Variants in CSMD2 observed in about 807,000 individuals in gnomAD.
CSMD2 encodes the protein CUB and Sushi multiple domains 2.
In CSMD2, 130 loss-of-function variants were observed where a neutral mutation model predicts 398.5. The observed-to-expected ratio is 0.33, with a 90% confidence interval of 0.28 to 0.38. CSMD2 has a LOEUF of 0.38. Among genes scored for constraint, CSMD2 ranks in the 10% least tolerant of loss-of-function variants. The probability of loss-of-function intolerance (pLI) is 1.00; values close to 1 mark genes in which losing one functional copy is unlikely to be tolerated. For missense variants in CSMD2, 3,829 were observed against 4,764.9 expected, an observed-to-expected ratio of 0.80 and a Z score of 5.78; for synonymous variants, 1,828 against 1,908.5, an observed-to-expected ratio of 0.96 and a Z score of 1.10.
intron 3 of CSMD2, among the ~76,000 whole-genome samples, chr1:34,029,454 G>T (rs1650137391): frequency 6.6e-6 from 1 of 152,184 alleles, no homozygotes; most frequent in African/African-American, 2.4e-5. Context: ...CATATATCAG[G>T]TAGGTATGCT....
In CSMD2 at chr1:33,652,406, G is replaced by A; in HGVS notation, c.4503C>T (p.Tyr1501=). The change falls in exon 28 of 71, where the codon TAC becomes TAT. Residue 1501 remains tyrosine, a synonymous_variant. Transcript: ENST00000373381. The part of the protein sequence containing the change: ...GPSGVILSPN[Y]PEPYPPGKEC... ...CCTTGCCTGGCGGGTAGGGTTCTGG[G>A]TAATTTGGTGAGAGGATGACTCCAG... is the stretch of plus-strand genomic sequence containing the variant. The A allele has an allele frequency of 6.2e-7, 1 of 1,614,150 alleles. No homozygotes were observed. The highest frequency in any genetic ancestry group is 1.1e-5 in the South Asian group (1 of 91,080).
chr1:33,675,455 A>T (rs888598973), intron 25 of CSMD2, among the ~76,000 whole-genome samples: 1 of 152,222 alleles, frequency 6.6e-6, no homozygotes, highest in African/African-American at 2.4e-5. Context: ...TCTGAAATTG[A>T]GGCAATAATT....
At chr1:33,913,402 T>C (rs1643563528) in intron 5 of CSMD2, among the ~76,000 whole-genome samples, 1 of 152,180 alleles carries the variant, frequency 6.6e-6, no homozygotes, top group African/African-American at 2.4e-5. Flanking sequence ...AAAGCTCATA[T>C]GTTGGCTTCA....
intron 44 of CSMD2, among the ~76,000 whole-genome samples, chr1:33,588,980 G>A (rs112257375): frequency 0.014 from 2,076 of 152,322 alleles, 56 homozygotes; most frequent in African/African-American, 0.048. Context: ...TTGGAATGCA[G>A]CTTGAGACTT....
rs2306239 is a variant in CSMD2 at position 34,144,200 on chromosome 1, C to T, written c.187+20711G>A. ...TCCTCTTGATGGGGTGGGACAGGTC[C>T]TGCCTGTCCCAGTTACCTCCAGCTG... On this transcript the variant is annotated intron_variant, in intron 1 of 70. Coordinates refer to ENST00000373381, the MANE Select transcript of CSMD2 (RefSeq NM_001281956.2). 3.4e-3 allele frequency among the ~76,000 whole-genome samples: 515 copies of T among 152,224 alleles called. 1 individual carries two copies. The highest frequency in any genetic ancestry group is 0.025 in the East Asian group (127 of 5,160).
chr1:33,988,973 C>T (rs1304776309), intron 3 of CSMD2, among the ~76,000 whole-genome samples: 2 of 112,380 alleles, frequency 1.8e-5, no homozygotes, highest in Non-Finnish European at 3.9e-5. Flanking sequence ...AAGAGAAAAC[C>T]TTCATGGCTT....
intron 1 of CSMD2, among the ~76,000 whole-genome samples, chr1:34,095,667 G>T (rs943771160): frequency 6.6e-6 from 1 of 151,616 alleles, no homozygotes; most frequent in Non-Finnish European, 1.5e-5. Context: ...TAGAAGAAAT[G>T]GATAAATTCC....
At chr1:34,095,755 G>C (rs1048304369) in intron 1 of CSMD2, among the ~76,000 whole-genome samples, 18 of 151,012 alleles carry the variant, frequency 1.2e-4, no homozygotes, top group Non-Finnish European at 2.4e-4. Flanking sequence ...AGCTGAAATT[G>C]TGGCAATAAT....
chr1:33,711,812 A>G (rs920832137), intron 21 of CSMD2, among the ~76,000 whole-genome samples: 9 of 151,846 alleles, frequency 5.9e-5, no homozygotes, highest in African/African-American at 1.9e-4. Context: ...TCCTTCCCAC[A>G]CGCCTGATAC....
At chr1:34,001,860 T>A (rs1407706911) in intron 3 of CSMD2, among the ~76,000 whole-genome samples, 1 of 152,058 alleles carries the variant, frequency 6.6e-6, no homozygotes, top group Non-Finnish European at 1.5e-5. Flanking sequence ...TGCGCTAACC[T>A]CCTCCTCTTC....
chr1:33,931,774 A>G (rs1266523168), intron 4 of CSMD2, among the ~76,000 whole-genome samples: 1 of 152,182 alleles, frequency 6.6e-6, no homozygotes, highest in Non-Finnish European at 1.5e-5. Context: ...AAGGAATCTG[A>G]ACTAGACCCC....
At chr1:34,083,825 G>C (rs1657542817) in intron 2 of CSMD2, among the ~76,000 whole-genome samples, 1 of 152,126 alleles carries the variant, frequency 6.6e-6, no homozygotes, top group Non-Finnish European at 1.5e-5. Flanking sequence ...GGGCTGAAGT[G>C]GGGGAAGTGC....
At position 33,636,386 on chromosome 1, in the gene CSMD2, C is replaced by T; in HGVS notation, c.4943G>A (p.Trp1648Ter). 1 of 1,612,424 alleles carries T rather than the reference C, an allele frequency of 6.2e-7. No individual in the cohort carries two copies. The change falls in exon 30 of 71, where the codon TGG (tryptophan) becomes TAG (stop). Residue 1648 changes from tryptophan (W) to a stop codon, truncating the protein, a stop_gained. Transcript: ENST00000373381. LOFTEE classifies it high-confidence loss of function. The surrounding 1 kb of genome is among the most constrained non-coding windows in gnomAD (Gnocchi z 4.8). ...TGTGCAGACTGGCCGGGGATTGTTC[C>T]ACACGGGCTTCCCATCAGGCCCCAG... Reference protein sequence around the residue: ...CILGPDGKPVWNNPRPVCTAP... With the variant: ...CILGPDGKPV
chr1:33,641,125 C>T (rs1234329177), intron 29 of CSMD2, among the ~76,000 whole-genome samples: 3 of 152,324 alleles, frequency 2.0e-5, no homozygotes, highest in Non-Finnish European at 4.4e-5. Context: ...GAGGCCTTCA[C>T]AGCAACCCTT....
At chr1:34,063,178 G>T (rs952614495) in intron 2 of CSMD2, among the ~76,000 whole-genome samples, 1 of 152,066 alleles carries the variant, frequency 6.6e-6, no homozygotes, top group African/African-American at 2.4e-5. Context: ...GATTGGGGTG[G>T]GGACACAGCC....
In CSMD2 at chr1:33,519,888, A is replaced by G; in HGVS notation, c.10660T>C (p.Ser3554Pro). Reference sequence around the variant, plus strand: ...GGCACCAGGATCGCGGCTGCCACTGAGCTGCTGTTGGAAGCAAAGTGGCGG... The same window carrying G: ...GGCACCAGGATCGCGGCTGCCACTGGGCTGCTGTTGGAAGCAAAGTGGCGG... ...IGRHFASNSS[S>P]VAAAILVPFI... The change falls in exon 69 of 71, where the codon TCA becomes CCA. Residue 3554 changes from serine to proline, a missense_variant. By Grantham distance (74) the Ser-to-Pro change is moderately conservative (BLOSUM62 -1). Around this residue, in one of 5 missense-constraint regions of CSMD2, gnomAD observed 917 missense variants for 1,199.5 expected, o/e 0.76. Transcript: ENST00000373381. The surrounding 1 kb of genome is among the most constrained non-coding windows in gnomAD (Gnocchi z 5.6). The G allele has an allele frequency of 6.2e-7, 1 of 1,614,090 alleles. No individual in the cohort carries two copies. The highest frequency in any genetic ancestry group is 2.2e-5 in the East Asian group (1 of 44,862).
intron 29 of CSMD2, among the ~76,000 whole-genome samples, chr1:33,639,549 G>T (rs1642993309): frequency 6.6e-6 from 1 of 152,170 alleles, no homozygotes; most frequent in South Asian, 2.1e-4. Context: ...CTGAACTCCT[G>T]GAGGAGAAGG....
Position 33,918,314 on chromosome 1 carries a change from A to G in CSMD2, c.713-13T>C. 1.2e-6 allele frequency: 2 copies of G among 1,612,796 alleles called. No individual in the cohort carries two copies. The highest frequency in any genetic ancestry group is 2.2e-5 in the South Asian group (2 of 90,986). ...CAGGCATCATCAGCTGTGGGCACAGAGAGAAGAGGCTTACATGAGTAGTCT... is the reference window on the plus strand; with the variant it reads ...CAGGCATCATCAGCTGTGGGCACAGGGAGAAGAGGCTTACATGAGTAGTCT... On this transcript the variant is annotated splice_polypyrimidine_tract_variant and intron_variant, in intron 4 of 70. Coordinates refer to ENST00000373381, the MANE Select transcript of CSMD2 (RefSeq NM_001281956.2).
At chr1:33,929,396 C>T (rs1644236932) in intron 4 of CSMD2, among the ~76,000 whole-genome samples, 1 of 150,076 alleles carries the variant, frequency 6.7e-6, no homozygotes, top group South Asian at 2.1e-4. Context: ...TAAAACTCTC[C>T]CCTGGTTGCC....
Sources: gnomAD v4.1 joint callset for allele counts (sites outside exome capture counted in the v4.1 genomes callset) on GRCh38, gnomAD v4.1.1 for gene constraint, gnomAD v4.1.1 regional missense constraint, Gnocchi (gnomAD v3.1) non-coding constraint, MANE v1.5 for transcripts, NCBI Gene and HGNC (gene_info 2026-07-23, HGNC 2026-07-21) for gene names.